The following PRKAA1 variants were observed in gnomAD, a reference collection of about 807,000 sequenced individuals.
The protein encoded by PRKAA1 is protein kinase AMP-activated catalytic subunit alpha 1.
A neutral mutation model predicts 56.9 loss-of-function variants in PRKAA1; 23 were observed. That is an observed-to-expected ratio of 0.40 (90% CI 0.29 to 0.57). PRKAA1 has a LOEUF of 0.57. Ranked by LOEUF, PRKAA1 falls within the 20% of genes least tolerant of loss-of-function variation. PRKAA1 has a pLI of 0.39. For missense variants in PRKAA1, 413 were observed against 679.7 expected, an observed-to-expected ratio of 0.61 and a Z score of 4.36; for synonymous variants, 226 against 227.0, an observed-to-expected ratio of 1.00 and a Z score of 0.04.
intron 6 of PRKAA1, among the ~76,000 whole-genome samples, chr5:40,766,837 C>G (rs1032185910): frequency 6.6e-6 from 1 of 151,390 alleles, no homozygotes; most frequent in Non-Finnish European, 1.5e-5. Flanking sequence ...TCACTACAAA[C>G]AAAAACAAAA....
Position 40,771,733 on chromosome 5 carries a change from T to G in PRKAA1, c.494A>C (p.Lys165Thr). The change falls in exon 4 of 9, where the codon AAG (lysine) becomes ACG (threonine). Residue 165 changes from lysine (K) to threonine (T), a missense_variant. Physicochemically the swap from Lys to Thr is moderately conservative, Grantham distance 78. Around this residue, in one of 9 missense-constraint regions of PRKAA1, gnomAD observed 113 missense variants for 198.6 expected, o/e 0.57. Transcript: ENST00000397128. ...ATTATCCTTACCAAAATCAGCTATC[T>G]TTGCATTCATGTGTGCATCAAGCAG... Reference protein sequence around the residue: ...NVLLDAHMNAKIADFGLSNMM... With the variant: ...NVLLDAHMNATIADFGLSNMM... 1 of 1,603,810 alleles carries G rather than the reference T, an allele frequency of 6.2e-7. No individual in the cohort carries two copies. Among genetic ancestry groups the G allele is most frequent in the South Asian group, 1.1e-5 (1 of 88,212 alleles).
chr5:40,764,603 T>C lies in PRKAA1; in HGVS notation c.1346A>G (p.Asn449Ser), dbSNP rs1361573994. Residue 449 changes from asparagine to serine, a missense_variant, in exon 8 of 9, where the codon AAT becomes AGT. Coordinates refer to ENST00000397128, the MANE Select transcript of PRKAA1 (RefSeq NM_006251.6). The stretch of plus-strand genomic sequence containing the variant: ...TTTGGAGTAAGTGCTTGTCACAGGA[T>C]TCTTCCTTCGTACACGCAAATAATA... ...NPYYLRVRRK[N>S]PVTSTYSKMS... 1 of 1,614,020 alleles carries C rather than the reference T, an allele frequency of 6.2e-7. No individual in the cohort carries two copies.
At chr5:40,788,571 C>T (rs954812926) in intron 1 of PRKAA1, among the ~76,000 whole-genome samples, 17 of 151,948 alleles carry the variant, frequency 1.1e-4, no homozygotes, top group East Asian at 3.9e-4. Flanking sequence ...AGGCCAGACG[C>T]GTAATCCCAA....
intron 4 of PRKAA1, among the ~76,000 whole-genome samples, chr5:40,769,876 T>C (rs908176690): frequency 8.2e-5 from 10 of 121,852 alleles, no homozygotes; most frequent in Non-Finnish European, 8.4e-5. Flanking sequence ...GTTCTGATTC[T>C]TTAAAAAAAA....
intron 5 of PRKAA1, chr5:40,768,834 G>A: frequency 6.7e-7 from 1 of 1,492,796 alleles, no homozygotes; most frequent in Non-Finnish European, 8.9e-7. Flanking sequence ...AAATTCTCCT[G>A]TTTTCCAAAC....
At chr5:40,769,928 TCA>T (rs1172984288) in intron 4 of PRKAA1, among the ~76,000 whole-genome samples, 29 of 146,916 alleles carry the variant, frequency 2.0e-4, no homozygotes, top group Admixed American at 1.7e-3. Flanking sequence ...CAAAGTTCCC[TCA>T]CAGTTTTACT....
chr5:40,766,181 C>T (rs1052047963), intron 6 of PRKAA1, among the ~76,000 whole-genome samples: 1 of 152,026 alleles, frequency 6.6e-6, no homozygotes, highest in South Asian at 2.1e-4. Flanking sequence ...AAAATCATGC[C>T]GTGCCATTCA....
At chr5:40,787,941 T>A (rs1222016785) in intron 1 of PRKAA1, among the ~76,000 whole-genome samples, 1 of 152,120 alleles carries the variant, frequency 6.6e-6, no homozygotes, top group Non-Finnish European at 1.5e-5. Context: ...GCGCTGCCTA[T>A]AAAGAGACTC....
At position 40,759,410 on chromosome 5, in the gene PRKAA1, A is replaced by G. The variant is rs1450435934; in HGVS notation, c.*3368T>C. 1.3e-5 allele frequency: 2 copies of G among 152,212 alleles called. No individual in the cohort carries two copies. The highest frequency in any genetic ancestry group is 4.8e-5 in the African/African-American group (2 of 41,376). 9.4% of individuals were successfully genotyped at this position (152,212 alleles called of 1,614,324 possible). A position where few individuals can be genotyped will look rare whatever the true frequency, so the allele number is the denominator to read the frequency against. On this transcript the variant is annotated 3_prime_UTR_variant, in exon 9 of 9. Transcript: ENST00000397128. ...ATGATAAATGGAGTTTTTCTTTATT[A>G]TATCATATTTCTAAATCAAGGAAGC... is the stretch of plus-strand genomic sequence containing the variant.
intron 1 of PRKAA1, among the ~76,000 whole-genome samples, chr5:40,785,835 C>CAGAGAGAGAG (rs765908317): frequency 7.6e-4 from 108 of 142,092 alleles, no homozygotes; most frequent in South Asian, 4.6e-3. Flanking sequence ...CACACACACA[C>CAGAGAGAGAG]ACACAGAGAG....
chr5:40,767,833 A>G, intron 5 of PRKAA1, 143 bp from the exon 6 acceptor site: 1 of 693,744 alleles, frequency 1.4e-6, no homozygotes, highest in East Asian at 2.8e-5. Context: ...TACAACGTTA[A>G]TTCCATCAGT....
intron 6 of PRKAA1, among the ~76,000 whole-genome samples, chr5:40,766,283 T>C (rs557860173): frequency 1.3e-5 from 2 of 152,326 alleles, no homozygotes; most frequent in Admixed American, 6.5e-5. Context: ...TTCTTCATTA[T>C]ACTAATGCTT....
chr5:40,776,846 G>T (rs1210881979), intron 2 of PRKAA1, among the ~76,000 whole-genome samples: 1 of 152,106 alleles, frequency 6.6e-6, no homozygotes, highest in Admixed American at 6.6e-5. Flanking sequence ...TTTACTAGCA[G>T]ATCACTGTTG....
chr5:40,797,255 G>A (rs1744966468), intron 1 of PRKAA1, among the ~76,000 whole-genome samples: 1 of 152,204 alleles, frequency 6.6e-6, no homozygotes, highest in African/African-American at 2.4e-5. Flanking sequence ...TGCACTTAAA[G>A]AGTTTATTAG....
chr5:40,793,883 C>T (rs1352539068), intron 1 of PRKAA1, among the ~76,000 whole-genome samples: 1 of 152,106 alleles, frequency 6.6e-6, no homozygotes. Context: ...GGTGGGATCA[C>T]CTGAGGTCAG....
At chr5:40,766,425 T>C (rs910210510) in intron 6 of PRKAA1, among the ~76,000 whole-genome samples, 1 of 152,136 alleles carries the variant, frequency 6.6e-6, no homozygotes, top group African/African-American at 2.4e-5. Flanking sequence ...AGGCTTGCAA[T>C]AAAATTGTTT....
intron 8 of PRKAA1, 63 bp downstream of exon 8, chr5:40,764,451 A>C: frequency 1.4e-6 from 2 of 1,453,832 alleles, no homozygotes; most frequent in Non-Finnish European, 1.9e-6. Flanking sequence ...CAAAAGAATC[A>C]AGGCGTAAAA....
Position 40,760,755 on chromosome 5 carries a change from T to A in PRKAA1, c.*2023A>T, listed in dbSNP as rs922285616. 2 of 152,744 alleles carry A rather than the reference T, an allele frequency of 1.3e-5. No homozygotes were observed. Among genetic ancestry groups the A allele is most frequent in the Non-Finnish European group, 2.9e-5 (2 of 67,996 alleles). 9.5% of individuals were successfully genotyped at this position (152,744 alleles called of 1,614,324 possible). A position where few individuals can be genotyped will look rare whatever the true frequency, so the allele number is the denominator to read the frequency against. ...TCAAATCTACTAGAGTCACCATTTA[T>A]GCAAGCTATCATGACATTTGAGTTC... is the stretch of plus-strand genomic sequence containing the variant. On this transcript the variant is annotated 3_prime_UTR_variant, in exon 9 of 9. Coordinates refer to ENST00000397128, the MANE Select transcript of PRKAA1 (RefSeq NM_006251.6).
intron 4 of PRKAA1, among the ~76,000 whole-genome samples, chr5:40,769,878 TAAAAAAAAAAAAAA>T (rs3071208): frequency 2.7e-5 from 3 of 109,910 alleles, no homozygotes; most frequent in South Asian, 3.1e-4. Context: ...TCTGATTCTT[TAAAAAAAAAAAAAA>T]AAAAAAAAAC....
Sources: gnomAD v4.1 joint callset for allele counts (sites outside exome capture counted in the v4.1 genomes callset) on GRCh38, gnomAD v4.1.1 for gene constraint, gnomAD v4.1.1 regional missense constraint, MANE v1.5 for transcripts, NCBI Gene and HGNC (gene_info 2026-07-23, HGNC 2026-07-21) for gene names.